BRINP1: variants seen among roughly 807,000 people sequenced by gnomAD.
BRINP1 encodes BMP/retinoic acid-inducible neural-specific protein 1.
A neutral mutation model predicts 72.9 loss-of-function variants in BRINP1; 17 were observed. That is an observed-to-expected ratio of 0.23 (90% CI 0.16 to 0.35). BRINP1 has a LOEUF of 0.35. Among genes scored for constraint, BRINP1 ranks in the 10% least tolerant of loss-of-function variants. The probability of loss-of-function intolerance (pLI) is 1.00; values close to 1 mark genes in which losing one functional copy is unlikely to be tolerated. For synonymous variants in BRINP1, 418 were observed against 378.5 expected, an observed-to-expected ratio of 1.10 and a Z score of -1.21; for missense variants, 850 against 1,001.6, an observed-to-expected ratio of 0.85 and a Z score of 2.04.
intron 2 of BRINP1, among the ~76,000 whole-genome samples, chr9:119,263,483 A>G (rs1302788031): frequency 6.6e-6 from 1 of 151,824 alleles, no homozygotes; most frequent in Non-Finnish European, 1.5e-5. Flanking sequence ...CCAGCTGGCA[A>G]TGATTTTATT....
chr9:119,351,957 C>T (rs1056047687), intron 1 of BRINP1, among the ~76,000 whole-genome samples: 1 of 152,006 alleles, frequency 6.6e-6, no homozygotes, highest in South Asian at 2.1e-4. Context: ...AGGCATCCAC[C>T]ACCATGCCCA....
chr9:119,353,323 T>A (rs1019185890), intron 1 of BRINP1, among the ~76,000 whole-genome samples: 22 of 152,320 alleles, frequency 1.4e-4, no homozygotes, highest in African/African-American at 5.3e-4. Flanking sequence ...TTCCTCTTTA[T>A]CCTTCTCCCA....
At position 119,299,996 on chromosome 9, in the gene BRINP1, C is replaced by G. The variant is rs373576566; in HGVS notation, c.218+13142G>C. 1.6e-4 allele frequency among the ~76,000 whole-genome samples: 25 copies of G among 152,286 alleles called. No individual in the cohort carries two copies. The South Asian group carries it at 5.2e-3, about 32-fold the overall frequency. ...AATTCTTTAGATTTCCAAGTTTCCC[C>G]AGACACTATCAAAACTTTTGACACT... On this transcript the variant is annotated intron_variant, in intron 2 of 7. Transcript: ENST00000265922.
intron 2 of BRINP1, among the ~76,000 whole-genome samples, chr9:119,277,413 T>C (rs894943142): frequency 1.3e-5 from 2 of 152,144 alleles, no homozygotes; most frequent in African/African-American, 4.8e-5. Context: ...TAATTCCACA[T>C]TTAGGAACAT....
At chr9:119,326,318 G>A (rs1831239271) in intron 1 of BRINP1, among the ~76,000 whole-genome samples, 1 of 152,054 alleles carries the variant, frequency 6.6e-6, no homozygotes, top group African/African-American at 2.4e-5. Flanking sequence ...TTTGACCAGT[G>A]TGAACTACCA....
chr9:119,178,495 C>T (rs1031906894), intron 7 of BRINP1, among the ~76,000 whole-genome samples: 1 of 152,198 alleles, frequency 6.6e-6, no homozygotes, highest in Admixed American at 6.5e-5. Context: ...AAATCAATCT[C>T]CTATACCTCC....
At chr9:119,328,192 T>C (rs10984489) in intron 1 of BRINP1, among the ~76,000 whole-genome samples, 22,640 of 151,930 alleles carry the variant, frequency 0.15, 2,079 homozygotes, top group African/African-American at 0.26. Context: ...AAGAAAAGGG[T>C]CTCAAGTTTC....
chr9:119,172,598 A>G (rs902940147), intron 7 of BRINP1, among the ~76,000 whole-genome samples: 2 of 151,490 alleles, frequency 1.3e-5, no homozygotes, highest in Admixed American at 1.3e-4. Flanking sequence ...TCCAATCAAT[A>G]GAAAAAGAGG....
intron 1 of BRINP1, among the ~76,000 whole-genome samples, chr9:119,334,984 G>A (rs1030278337): frequency 2.6e-5 from 4 of 152,158 alleles, no homozygotes; most frequent in Admixed American, 1.3e-4. Context: ...CAGATATACT[G>A]TGGGAGCTCA....
chr9:119,252,547 G>C (rs1830401371), intron 2 of BRINP1, among the ~76,000 whole-genome samples: 1 of 148,374 alleles, frequency 6.7e-6, no homozygotes, highest in East Asian at 2.0e-4. Flanking sequence ...AATATATATA[G>C]TCATACGTGT....
chr9:119,297,521 T>C (rs1305968827), intron 2 of BRINP1, among the ~76,000 whole-genome samples: 1 of 152,252 alleles, frequency 6.6e-6, no homozygotes, highest in Non-Finnish European at 1.5e-5. Flanking sequence ...GCTACAGCTG[T>C]CACAAGGGTT....
chr9:119,257,730 G>A (rs1017043983), intron 2 of BRINP1, among the ~76,000 whole-genome samples: 6 of 152,120 alleles, frequency 3.9e-5, no homozygotes, highest in African/African-American at 1.4e-4. Context: ...ATTGAGCTGA[G>A]AGAGGAAAGA....
chr9:119,169,394 T>TC (rs998190217), intron 7 of BRINP1, among the ~76,000 whole-genome samples: 20 of 148,060 alleles, frequency 1.4e-4, no homozygotes, highest in African/African-American at 5.1e-4. Flanking sequence ...ATCGGGTCAC[T>TC]CCCCCACCGA....
intron 1 of BRINP1, among the ~76,000 whole-genome samples, chr9:119,343,567 C>G (rs146154882): frequency 6.6e-6 from 1 of 152,172 alleles, no homozygotes; most frequent in African/African-American, 2.4e-5. Flanking sequence ...GTTCTTGTAT[C>G]TAGAAGCCCA....
intron 2 of BRINP1, among the ~76,000 whole-genome samples, chr9:119,275,621 G>A (rs1344619081): frequency 1.3e-5 from 2 of 152,034 alleles, no homozygotes; most frequent in Non-Finnish European, 2.9e-5. Flanking sequence ...TGGATGCTTG[G>A]GACCAAGTCC....
At chr9:119,232,214 C>A (rs1830154551) in intron 5 of BRINP1, among the ~76,000 whole-genome samples, 1 of 152,126 alleles carries the variant, frequency 6.6e-6, no homozygotes, top group Non-Finnish European at 1.5e-5. Context: ...GTCAGGCTAA[C>A]CTTAAAAATT....
rs111383510 is a variant in BRINP1, at chr9:119,185,085, G to A, written c.1146-16861C>T. Among the ~76,000 whole-genome samples, 1,259 of 152,198 alleles carry A rather than the reference G, an allele frequency of 8.3e-3. 15 individuals carry two copies. Among genetic ancestry groups the A allele is most frequent in the African/African-American group, 0.027 (1,133 of 41,508 alleles). On this transcript the variant is annotated intron_variant, in intron 7 of 7. Coordinates refer to ENST00000265922, the MANE Select transcript of BRINP1 (RefSeq NM_014618.3). The stretch of plus-strand genomic sequence containing the variant: ...TCAGGTCCATCTCACAGTGGGTCCA[G>A]TGGGTACTTCCGGTGGTAGTTCCCC...
intron 7 of BRINP1, among the ~76,000 whole-genome samples, chr9:119,182,763 C>T (rs968160661): frequency 6.6e-6 from 1 of 152,194 alleles, no homozygotes; most frequent in Admixed American, 6.5e-5. Context: ...TTTGTTATTT[C>T]ATTATAGCAG....
intron 1 of BRINP1, among the ~76,000 whole-genome samples, chr9:119,344,250 T>C (rs1465955701): frequency 6.6e-6 from 1 of 152,236 alleles, no homozygotes; most frequent in East Asian, 1.9e-4. Flanking sequence ...GGACAGTGCA[T>C]ATAAAATGTT....
Sources: gnomAD v4.1 joint callset for allele counts (sites outside exome capture counted in the v4.1 genomes callset) on GRCh38, gnomAD v4.1.1 for gene constraint, MANE v1.5 for transcripts, NCBI Gene and HGNC (gene_info 2026-07-23, HGNC 2026-07-21) for gene names.